Variants in GRM5 observed in about 807,000 individuals in gnomAD.
The protein encoded by GRM5 is metabotropic glutamate receptor 5.
Under a neutral mutation model 83.1 loss-of-function variants are expected in GRM5, and 19 were observed. The observed-to-expected ratio is 0.23, with a 90% CI of 0.16 to 0.34. The LOEUF is 0.34. Ranked by LOEUF, GRM5 falls within the 10% of genes least tolerant of loss-of-function variation. GRM5 has a pLI of 1.00. For synonymous variants in GRM5, 675 were observed against 633.6 expected, an observed-to-expected ratio of 1.07 and a Z score of -0.98; for missense variants, 1,160 against 1,588.3, an observed-to-expected ratio of 0.73 and a Z score of 4.58.
rs943418155 is a variant in GRM5, at chr11:88,715,165, C to T, written c.912-61762G>A. The stretch of plus-strand genomic sequence containing the variant: ...ACTAGGGCAGTGGTTGTTGTCAGTG[C>T]TTAAAATAGTACCTGTTACATACTA... On this transcript the variant is annotated intron_variant, in intron 3 of 9. Transcript: ENST00000305447. Among the ~76,000 whole-genome samples, 189 of 152,072 alleles carry T rather than the reference C, an allele frequency of 1.2e-3. 1 individual carries two copies. Among genetic ancestry groups the T allele is most frequent in the Non-Finnish European group, 1.0e-3 (68 of 67,942 alleles).
chr11:89,003,677 C>CTTA (rs148095335), intron 2 of GRM5, among the ~76,000 whole-genome samples: 1 of 151,894 alleles, frequency 6.6e-6, no homozygotes, highest in Non-Finnish European at 1.5e-5. Context: ...ATTTAAACAA[C>CTTA]TTATTATTAT....
At chr11:88,652,105 A>T (rs1180383868) in intron 4 of GRM5, among the ~76,000 whole-genome samples, 1 of 152,078 alleles carries the variant, frequency 6.6e-6, no homozygotes. Flanking sequence ...GGGTAAAGGC[A>T]TCTATACCAC....
chr11:88,918,679 CCAA>C (rs1403039573), intron 2 of GRM5, among the ~76,000 whole-genome samples: 1 of 151,726 alleles, frequency 6.6e-6, no homozygotes, highest in African/African-American at 2.4e-5. Flanking sequence ...AATAATAACT[CCAA>C]CAACTTTTAA....
intron 2 of GRM5, among the ~76,000 whole-genome samples, chr11:88,951,742 T>C (rs572447513): frequency 2.2e-4 from 33 of 152,342 alleles, no homozygotes; most frequent in Non-Finnish European, 3.7e-4. Flanking sequence ...AGGCTAAAGA[T>C]ATTTTAAGTA....
chr11:88,590,522 C>T (rs552572854), intron 7 of GRM5, 79 bp downstream of exon 7: 4 of 1,145,466 alleles, frequency 3.5e-6, no homozygotes, highest in African/African-American at 1.5e-5. Context: ...ATGAGTAACG[C>T]TTGGGGATGT....
At chr11:88,791,065 G>C (rs982634034) in intron 3 of GRM5, among the ~76,000 whole-genome samples, 1 of 152,198 alleles carries the variant, frequency 6.6e-6, no homozygotes, top group African/African-American at 2.4e-5. Context: ...AACAGTGACA[G>C]TGTGAACGCA....
At chr11:88,873,948 C>T (rs1239183341) in intron 2 of GRM5, among the ~76,000 whole-genome samples, 2 of 151,498 alleles carry the variant, frequency 1.3e-5, no homozygotes, top group Non-Finnish European at 3.0e-5. Flanking sequence ...AACAACTATA[C>T]CCCTAACAAA....
intron 1 of GRM5, among the ~76,000 whole-genome samples, chr11:89,053,336 T>TA (rs1191591756): frequency 6.6e-6 from 1 of 152,088 alleles, no homozygotes; most frequent in African/African-American, 2.4e-5. Flanking sequence ...AATACACTTT[T>TA]AAAAAAATCA....
At chr11:88,647,225 A>C (rs890500208) in intron 4 of GRM5, among the ~76,000 whole-genome samples, 2 of 152,050 alleles carry the variant, frequency 1.3e-5, no homozygotes, top group Admixed American at 6.6e-5. Flanking sequence ...CATCCTTATT[A>C]GTTATACTTG....
chr11:89,061,140 A>G (rs1047871410), intron 1 of GRM5, among the ~76,000 whole-genome samples: 2 of 152,168 alleles, frequency 1.3e-5, no homozygotes, highest in East Asian at 3.8e-4. Flanking sequence ...GTTGGTTTAT[A>G]CATGATCTAT....
chr11:88,880,808 A>G (rs1944938650), intron 2 of GRM5, among the ~76,000 whole-genome samples: 1 of 152,188 alleles, frequency 6.6e-6, no homozygotes, highest in African/African-American at 2.4e-5. Context: ...TCTAGACTTT[A>G]AAGTCTTATT....
chr11:88,703,857 A>C (rs1367612674), intron 3 of GRM5, among the ~76,000 whole-genome samples: 2 of 152,038 alleles, frequency 1.3e-5, no homozygotes, highest in Non-Finnish European at 2.9e-5. Flanking sequence ...ATGTGCCTCA[A>C]CCTCATCAAC....
rs1338764935 is a variant in GRM5, at chr11:88,723,023, C to T, written c.912-69620G>A. The stretch of plus-strand genomic sequence containing the variant: ...CCCTGTGCCCTGCCCATTCATCCTT[C>T]TTCTCCTGCTCCCTCCTCCCTTGAA... On this transcript the variant is annotated intron_variant, in intron 3 of 9. Coordinates refer to ENST00000305447, the MANE Select transcript of GRM5 (RefSeq NM_001143831.3). 2.6e-5 allele frequency among the ~76,000 whole-genome samples: 4 copies of T among 152,220 alleles called. No homozygotes were observed. In the East Asian group the frequency reaches 7.7e-4, roughly 29 times the overall value.
At chr11:88,521,331 C>T (rs563664168) in intron 9 of GRM5, among the ~76,000 whole-genome samples, 31 of 152,070 alleles carry the variant, frequency 2.0e-4, no homozygotes, top group Middle Eastern at 3.4e-3. Flanking sequence ...GCAGGAGAAT[C>T]GCTTGAACCT....
chr11:88,849,528 T>G (rs1258613000), intron 3 of GRM5, among the ~76,000 whole-genome samples: 3 of 152,188 alleles, frequency 2.0e-5, no homozygotes, highest in Admixed American at 6.5e-5. Context: ...ATTCTATGAT[T>G]CAACATTATA....
intron 2 of GRM5, among the ~76,000 whole-genome samples, chr11:88,919,633 T>C (rs1366992541): frequency 6.6e-6 from 1 of 151,918 alleles, no homozygotes; most frequent in Admixed American, 6.6e-5. Context: ...TGCTCAAGGA[T>C]AGACTATATG....
At chr11:88,791,705 T>C (rs1943176103) in intron 3 of GRM5, among the ~76,000 whole-genome samples, 1 of 152,148 alleles carries the variant, frequency 6.6e-6, no homozygotes, top group Non-Finnish European at 1.5e-5. Context: ...ATAAAGGACA[T>C]TTAAATTATT....
chr11:89,009,573 A>C (rs1788680156), intron 2 of GRM5, among the ~76,000 whole-genome samples: 1 of 152,120 alleles, frequency 6.6e-6, no homozygotes, highest in Non-Finnish European at 1.5e-5. Flanking sequence ...TTAAGATCTA[A>C]AAGCAATGAT....
At chr11:88,815,114 G>A (rs1327152916) in intron 3 of GRM5, among the ~76,000 whole-genome samples, 1 of 152,066 alleles carries the variant, frequency 6.6e-6, no homozygotes, top group Non-Finnish European at 1.5e-5. Context: ...ACCAAACAAT[G>A]GCAGCATATA....
Sources: allele counts gnomAD v4.1 joint callset (sites outside exome capture counted in the v4.1 genomes callset), GRCh38; gene constraint gnomAD v4.1.1; transcripts MANE v1.5; gene names NCBI Gene and HGNC (gene_info 2026-07-23, HGNC 2026-07-21).